The following UEVLD variants were observed in gnomAD, a reference collection of about 807,000 sequenced individuals.
The protein encoded by UEVLD is UEV and lactate/malate dehyrogenase domains.
Under a neutral mutation model 58.6 loss-of-function variants are expected in UEVLD, and 47 were observed. The observed-to-expected ratio is 0.80, with a 90% CI of 0.63 to 1.02. The LOEUF (loss-of-function observed/expected upper bound fraction) is 1.02, where lower values mean the gene tolerates loss of function less well. UEVLD is among the 50% of genes least tolerant of loss of function. The pLI is 0.00. For synonymous variants in UEVLD, 197 were observed against 195.3 expected, an observed-to-expected ratio of 1.01 and a Z score of -0.07; for missense variants, 510 against 550.6, an observed-to-expected ratio of 0.93 and a Z score of 0.74.
At chr11:18,576,492 C>CTCCA (rs1325483833) in intron 2 of UEVLD, among the ~76,000 whole-genome samples, 1 of 151,944 alleles carries the variant, frequency 6.6e-6, no homozygotes. Context: ...CACCACTGTA[C>CTCCA]TCCAGCCTGG....
intron 8 of UEVLD, among the ~76,000 whole-genome samples, 200 bp from the exon 9 acceptor site, chr11:18,544,996 A>G (rs555309141): frequency 1.1e-5 from 1 of 95,094 alleles, no homozygotes; most frequent in African/African-American, 4.1e-5. Context: ...ATACACACAT[A>G]TATATACACG....
intron 3 of UEVLD, among the ~76,000 whole-genome samples, chr11:18,573,389 C>T (rs1217624623): frequency 6.6e-6 from 1 of 152,168 alleles, no homozygotes; most frequent in South Asian, 2.1e-4. Context: ...TCCCTTCCTC[C>T]TTTCCCTAAT....
At chr11:18,582,897 C>T (rs976983264) in intron 1 of UEVLD, among the ~76,000 whole-genome samples, 1 of 152,134 alleles carries the variant, frequency 6.6e-6, no homozygotes, top group Non-Finnish European at 1.5e-5. Context: ...GCCTGCTGCA[C>T]TACAGTGTAT....
At chr11:18,560,671 T>C (rs968295995) in intron 6 of UEVLD, among the ~76,000 whole-genome samples, 1 of 152,176 alleles carries the variant, frequency 6.6e-6, no homozygotes, top group South Asian at 2.1e-4. Context: ...AATGTCACCA[T>C]GTAATCAATC....
intron 6 of UEVLD, among the ~76,000 whole-genome samples, chr11:18,560,171 T>A (rs1049713334): frequency 8.2e-6 from 1 of 121,546 alleles, no homozygotes; most frequent in Non-Finnish European, 1.8e-5. Context: ...TGCTACACTA[T>A]GTATTAGCTA....
chr11:18,571,562 A>G lies in UEVLD; in HGVS notation c.194-1185T>C, dbSNP rs149895153. On this transcript the variant is annotated intron_variant, in intron 3 of 11. Coordinates refer to ENST00000396197, the MANE Select transcript of UEVLD (RefSeq NM_001040697.4). Reference sequence around the variant, plus strand: ...CCTTCCCTCTTTCCTATCAGCAAATACCTTGACTCCTACCCTGCACATCTA... The same window carrying G: ...CCTTCCCTCTTTCCTATCAGCAAATGCCTTGACTCCTACCCTGCACATCTA... 3.4e-3 allele frequency among the ~76,000 whole-genome samples: 520 copies of G among 152,236 alleles called. 1 individual carries two copies. Among genetic ancestry groups the G allele is most frequent in the African/African-American group, 0.012 (507 of 41,540 alleles).
In UEVLD at chr11:18,547,003, A is replaced by C. The variant is rs1462197897; in HGVS notation, c.763T>G (p.Ser255Ala). The change falls in exon 8 of 12, where the codon TCT (serine) becomes GCT (alanine). Residue 255 changes from serine (S) to alanine (A), a missense_variant. Ser to Ala is a moderately conservative substitution (Grantham distance 99). Coordinates refer to ENST00000396197, the MANE Select transcript of UEVLD (RefSeq NM_001040697.4). The stretch of plus-strand genomic sequence containing the variant: ...AGGTACGACTGAGAACTACCCAAAG[A>C]GTTGACTGTGAAGATCACCACCTTG... ...HSKVVIFTVN[S>A]LGSSQSYLDV... 1 of 1,614,108 alleles carries C rather than the reference A, an allele frequency of 6.2e-7. No homozygotes were observed. The highest frequency in any genetic ancestry group is 2.2e-5 in the East Asian group (1 of 44,888).
intron 9 of UEVLD, among the ~76,000 whole-genome samples, chr11:18,543,787 G>A (rs1297547054): frequency 6.6e-6 from 1 of 152,204 alleles, no homozygotes; most frequent in African/African-American, 2.4e-5. Context: ...AATAGGGAAA[G>A]CATTCTTTTG....
chr11:18,572,966 T>C (rs1370618664), intron 3 of UEVLD, among the ~76,000 whole-genome samples: 1 of 152,122 alleles, frequency 6.6e-6, no homozygotes, highest in African/African-American at 2.4e-5. Flanking sequence ...ATTTTACAGA[T>C]GAGAAAGATA....
intron 9 of UEVLD, among the ~76,000 whole-genome samples, chr11:18,543,147 T>A (rs1307656957): frequency 6.6e-6 from 1 of 152,148 alleles, no homozygotes; most frequent in Non-Finnish European, 1.5e-5. Flanking sequence ...CACCTTGGCC[T>A]CCCAAAGTGC....
chr11:18,546,829 A>G (rs757365426), intron 8 of UEVLD, 51 bp downstream of exon 8: 4 of 1,589,834 alleles, frequency 2.5e-6, no homozygotes, highest in Admixed American at 1.9e-5. Flanking sequence ...AGTAATGGCA[A>G]TTCTACTGAT....
Position 18,547,159 on chromosome 11 carries a change from G to A in UEVLD, c.716-109C>T, listed in dbSNP as rs542940182. The A allele has an allele frequency of 7.1e-5, 79 of 1,118,732 alleles. No individual in the cohort carries two copies. In the East Asian group the frequency reaches 1.6e-3, roughly 23 times the overall value. 69.3% of individuals were successfully genotyped at this position (1,118,732 alleles called of 1,614,324 possible). A position where few individuals can be genotyped will look rare whatever the true frequency, so the allele number is the denominator to read the frequency against. On this transcript the variant is annotated intron_variant, in intron 7 of 11. Transcript: ENST00000396197. ...AACAAATAAGAGAGCTTTTAGGCAC[G>A]CCTCCCCATAAATCAACCCCAGATC...
chr11:18,553,154 CAAAAAA>C (rs34297128), intron 7 of UEVLD, among the ~76,000 whole-genome samples: 1 of 81,554 alleles, frequency 1.2e-5, no homozygotes, highest in Non-Finnish European at 2.3e-5. Flanking sequence ...GGTTCCGTCT[CAAAAAA>C]AAAAAAAAAA....
intron 9 of UEVLD, 163 bp from the exon 10 acceptor site, chr11:18,536,632 G>A (rs1052109951): frequency 1.7e-6 from 1 of 587,332 alleles, no homozygotes; most frequent in Non-Finnish European, 3.0e-6. Context: ...TGAATGTGCT[G>A]TACCACTAGC....
At chr11:18,574,592 T>C (rs1203834468) in intron 3 of UEVLD, among the ~76,000 whole-genome samples, 1 of 152,200 alleles carries the variant, frequency 6.6e-6, no homozygotes. Flanking sequence ...ACAGGAGAAG[T>C]AGGTCTGGAA....
intron 2 of UEVLD, among the ~76,000 whole-genome samples, chr11:18,576,241 T>C (rs879850688): frequency 8.5e-5 from 13 of 152,184 alleles, no homozygotes; most frequent in Non-Finnish European, 1.5e-4. Context: ...GACTAACAAA[T>C]TAGCCACAAA....
intron 9 of UEVLD, among the ~76,000 whole-genome samples, chr11:18,542,421 GGTCCTGTT>G (rs2133968320): frequency 6.6e-6 from 1 of 152,032 alleles, no homozygotes; most frequent in African/African-American, 2.4e-5. Context: ...CCTTTTCCAG[GGTCCTGTT>G]GATTAGTGTG....
chr11:18,571,163 T>G (rs953472268), intron 3 of UEVLD, among the ~76,000 whole-genome samples: 1 of 151,928 alleles, frequency 6.6e-6, no homozygotes, highest in Admixed American at 6.6e-5. Context: ...CTGACCAACA[T>G]GATGAAACCC....
rs746750409 is a variant in UEVLD at position 18,570,318 on chromosome 11, G to A, written c.253C>T (p.Pro85Ser). 2 of 1,587,600 alleles carry A rather than the reference G, an allele frequency of 1.3e-6. No homozygotes were observed. The highest frequency in any genetic ancestry group is 4.5e-5 in the East Asian group (2 of 44,232). Residue 85 changes from proline to serine, a missense_variant, in exon 4 of 12, where the codon CCT becomes TCT. By Grantham distance (74) the Pro-to-Ser change is moderately conservative. Transcript: ENST00000396197. ...GCAGTTGGCTTCAAGAAGCAAATAG[G>A]GGGAGCGAAAGGGTGAGAATCCAAA... ...WILDSHPFAP[P>S]ICFLKPTANM... is the part of the protein sequence containing the mutation.
Sources: allele counts gnomAD v4.1 joint callset (sites outside exome capture counted in the v4.1 genomes callset), GRCh38; gene constraint gnomAD v4.1.1; transcripts MANE v1.5; gene names NCBI Gene and HGNC (gene_info 2026-07-23, HGNC 2026-07-21).